The following RNF128 variants were observed in gnomAD, a reference collection of about 807,000 sequenced individuals.
The protein encoded by RNF128 is E3 ubiquitin-protein ligase RNF128.
A neutral mutation model predicts 26.2 loss-of-function variants in RNF128; 13 were observed. That is an observed-to-expected ratio of 0.50 (90% confidence interval 0.32 to 0.79). The LOEUF is 0.79. Among genes scored for constraint, RNF128 ranks in the 30% least tolerant of loss-of-function variants. The probability of loss-of-function intolerance (pLI) is 0.03; values close to 1 mark genes in which losing one functional copy is unlikely to be tolerated. For missense variants in RNF128, 315 were observed against 349.7 expected, an observed-to-expected ratio of 0.90 and a Z score of 0.79; for synonymous variants, 149 against 142.5, an observed-to-expected ratio of 1.05 and a Z score of -0.32.
Position 106,694,426 on chromosome X carries a change from C to T in RNF128, c.406+18C>T, listed in dbSNP as rs769098648. ...AAATTTTGGTAAGTAATAATTGATT[C>T]ACAAAGAGAGTTAATGTCCGTTTAT... is the stretch of plus-strand genomic sequence containing the variant. On this transcript the variant is annotated intron_variant, in intron 1 of 6. Coordinates refer to the RNF128 transcript ENST00000324342. 1.1e-5 allele frequency: 12 copies of T among 1,139,608 alleles called. No homozygotes were observed. In the Admixed American group the frequency reaches 3.1e-4, roughly 29 times the overall value. 93.9% of individuals were successfully genotyped at this position (1,139,608 alleles called of 1,213,427 possible).
At chrX:106,694,151 A>G (rs1928833193) in exon 1 of RNF128, 1 of 1,209,185 alleles carries the variant, frequency 8.3e-7, no homozygotes, top group African/African-American at 1.8e-5. Flanking sequence ...GAGACATGTG[A>G]ATGTGGCGTT....
intron 1 of RNF128, among the ~76,000 whole-genome samples, chrX:106,720,190 C>T (rs972118054): frequency 1.8e-5 from 2 of 109,460 alleles, no homozygotes; most frequent in Non-Finnish European, 3.8e-5. Flanking sequence ...CAACTTACCC[C>T]CATGCCTTGG....
At chrX:106,736,274 T>G (rs1191835014) in intron 1 of RNF128, among the ~76,000 whole-genome samples, 2 of 111,926 alleles carry the variant, frequency 1.8e-5, no homozygotes, top group Non-Finnish European at 1.9e-5. Flanking sequence ...CCTTGGGATT[T>G]TATTCAGCTA....
At chrX:106,723,263 C>T (rs927545454), upstream of RNF128, among the ~76,000 whole-genome samples, 4 of 111,701 alleles carry the variant, frequency 3.6e-5, no homozygotes, top group African/African-American at 1.3e-4. Flanking sequence ...CATATTGAGT[C>T]CGTACGCTTT....
chrX:106,740,636 C>G (rs886652211), intron 1 of RNF128, among the ~76,000 whole-genome samples: 11 of 111,553 alleles, frequency 9.9e-5, no homozygotes, highest in African/African-American at 3.6e-4. Flanking sequence ...GTGGTGCAAT[C>G]ATAGTTCACT....
intron 1 of RNF128, among the ~76,000 whole-genome samples, chrX:106,754,818 G>A (rs1191940886): frequency 9.1e-6 from 1 of 110,489 alleles, no homozygotes; most frequent in East Asian, 2.8e-4. Flanking sequence ...ATAAAAATGA[G>A]TGCCTACATC....
At position 106,795,788 on chromosome X, in the gene RNF128, A is replaced by C. The variant is rs1930906573; in HGVS notation, c.*75A>C. On this transcript the variant is annotated 3_prime_UTR_variant, in exon 7 of 7. Coordinates refer to ENST00000255499, the MANE Select transcript of RNF128 (RefSeq NM_194463.2). ...ATCAGGGCCTAGTTTCTATTAATAA[A>C]TTGGATAAATTTAATAAAATAAGAG... is the stretch of plus-strand genomic sequence containing the variant. 1 of 865,535 alleles carries C rather than the reference A, an allele frequency of 1.2e-6. No individual in the cohort carries two copies. Among genetic ancestry groups the C allele is most frequent in the Admixed American group, 3.3e-5 (1 of 29,956 alleles). The allele number at this position is 865,535 out of a possible 1,213,427, so 71.3% of individuals were successfully genotyped here. A position where few individuals can be genotyped will look rare whatever the true frequency, so the allele number is the denominator to read the frequency against.
chrX:106,723,564 T>C (rs1325953569), upstream of RNF128, among the ~76,000 whole-genome samples: 3 of 110,777 alleles, frequency 2.7e-5, no homozygotes, highest in East Asian at 8.5e-4. Flanking sequence ...CAAAACTCTG[T>C]CTAAAATATA....
chrX:106,710,972 C>G (rs1235606696), intron 1 of RNF128, among the ~76,000 whole-genome samples: 2 of 111,252 alleles, frequency 1.8e-5, no homozygotes, highest in Admixed American at 9.6e-5. Flanking sequence ...GTGCACAACC[C>G]CATTTGACTG....
At chrX:106,735,755 A>G (rs1246620612) in intron 1 of RNF128, among the ~76,000 whole-genome samples, 1 of 111,624 alleles carries the variant, frequency 9.0e-6, no homozygotes, top group East Asian at 2.8e-4. Flanking sequence ...TATCTAATCC[A>G]TATGATAGTT....
intron 1 of RNF128, among the ~76,000 whole-genome samples, chrX:106,716,822 ATATT>A (rs1929224308): frequency 9.0e-6 from 1 of 111,530 alleles, no homozygotes; most frequent in Non-Finnish European, 1.9e-5. Flanking sequence ...GATGCCATAT[ATATT>A]ATGTGTAAAA....
At chrX:106,766,082 A>G (rs988983753) in intron 1 of RNF128, among the ~76,000 whole-genome samples, 1 of 111,645 alleles carries the variant, frequency 9.0e-6, no homozygotes, top group Non-Finnish European at 1.9e-5. Flanking sequence ...TCCATGGTAT[A>G]TATGTGCCAA....
chrX:106,745,794 G>A (rs1929786162), intron 1 of RNF128, among the ~76,000 whole-genome samples: 1 of 111,568 alleles, frequency 9.0e-6, no homozygotes, highest in African/African-American at 3.3e-5. Context: ...CACTAAACAG[G>A]ACTTTGAAGA....
chrX:106,694,481 T>A, intron 1 of RNF128: 1 of 832,792 alleles, frequency 1.2e-6, no homozygotes, highest in Admixed American at 3.8e-5. Context: ...CTAGAACTGG[T>A]CTAGGATCTG....
chrX:106,763,866 G>A (rs934023072), intron 1 of RNF128, among the ~76,000 whole-genome samples: 18 of 111,575 alleles, frequency 1.6e-4, no homozygotes, highest in Non-Finnish European at 2.5e-4. Flanking sequence ...AGATTGTGAG[G>A]ACTGAAGCAC....
intron 2 of RNF128, among the ~76,000 whole-genome samples, chrX:106,783,432 C>G (rs1338148898): frequency 9.0e-6 from 1 of 110,831 alleles, no homozygotes; most frequent in Non-Finnish European, 1.9e-5. Context: ...CTGCTATATG[C>G]CAGACATTAT....
intron 1 of RNF128, among the ~76,000 whole-genome samples, chrX:106,713,174 G>A (rs1412091775): frequency 9.4e-6 from 1 of 105,832 alleles, no homozygotes; most frequent in Non-Finnish European, 1.9e-5. Flanking sequence ...GGTGTGAGCC[G>A]CTGTCCCCAG....
At chrX:106,704,280 C>T (rs1255269186) in intron 1 of RNF128, among the ~76,000 whole-genome samples, 1 of 109,102 alleles carries the variant, frequency 9.2e-6, no homozygotes, top group Non-Finnish European at 1.9e-5. Flanking sequence ...CTAAAAAATA[C>T]AAAAAAGCCA....
chrX:106,695,759 T>C (rs929991655), intron 1 of RNF128, among the ~76,000 whole-genome samples: 1 of 112,239 alleles, frequency 8.9e-6, no homozygotes, highest in Admixed American at 9.5e-5. Context: ...CAACTTGCTA[T>C]ACATTTAAAC....
Sources: allele counts gnomAD v4.1 joint callset (sites outside exome capture counted in the v4.1 genomes callset), GRCh38; gene constraint gnomAD v4.1.1; transcripts MANE v1.5; gene names NCBI Gene and HGNC (gene_info 2026-07-23, HGNC 2026-07-21).